Variants in CADPS2 observed in about 807,000 individuals in gnomAD.
The protein encoded by CADPS2 is calcium-dependent secretion activator 2.
CADPS2 carries 93 observed loss-of-function variants against 172.5 expected under a neutral mutation model. That is an observed-to-expected ratio of 0.54 (90% CI 0.46 to 0.64). The LOEUF (loss-of-function observed/expected upper bound fraction) is 0.64, where lower values mean the gene tolerates loss of function less well. CADPS2 is among the 30% of genes least tolerant of loss of function. The pLI, the probability that CADPS2 is intolerant of heterozygous loss-of-function variation, is 0.00. For synonymous variants in CADPS2, 546 were observed against 555.2 expected, an observed-to-expected ratio of 0.98 and a Z score of 0.23; for missense variants, 1,420 against 1,565.9, an observed-to-expected ratio of 0.91 and a Z score of 1.57.
At chr7:122,863,595 G>A (rs1198291412) in intron 1 of CADPS2, among the ~76,000 whole-genome samples, 1 of 152,082 alleles carries the variant, frequency 6.6e-6, no homozygotes, top group Non-Finnish European at 1.5e-5. Context: ...GGGTAGAGAA[G>A]AAAAATAAAG....
intron 1 of CADPS2, among the ~76,000 whole-genome samples, chr7:122,816,410 C>A (rs1801424427): frequency 6.6e-6 from 1 of 152,134 alleles, no homozygotes; most frequent in Non-Finnish European, 1.5e-5. Context: ...CCTGTGGGTA[C>A]ATGTGCACAT....
rs201249579 is a variant in CADPS2, at chr7:122,554,521, A to T, written c.1475+29T>A. 3,473 of 1,552,936 alleles carry T rather than the reference A, an allele frequency of 2.2e-3. 9 individuals carry two copies. Among genetic ancestry groups the T allele is most frequent in the Non-Finnish European group, 2.8e-3 (3,268 of 1,148,894 alleles). On this transcript the variant is annotated intron_variant, in intron 8 of 29. Transcript: ENST00000449022. ...ACACTGAAATGAAATTCAATAATTC[A>T]GGAAAAAAATCCTCAAATTTATACT...
At chr7:122,616,191 A>G (rs1049537852) in intron 5 of CADPS2, among the ~76,000 whole-genome samples, 1 of 152,126 alleles carries the variant, frequency 6.6e-6, no homozygotes, top group African/African-American at 2.4e-5. Context: ...TATAAAATAG[A>G]TTAAAATGCA....
At chr7:122,397,847 A>G (rs1359040997) in intron 20 of CADPS2, among the ~76,000 whole-genome samples, 1 of 152,190 alleles carries the variant, frequency 6.6e-6, no homozygotes, top group Admixed American at 6.5e-5. Context: ...TTCTGACACC[A>G]TACTCAAGTA....
chr7:122,452,805 T>G (rs1352807461), intron 14 of CADPS2, among the ~76,000 whole-genome samples: 1 of 152,218 alleles, frequency 6.6e-6, no homozygotes, highest in Non-Finnish European at 1.5e-5. Context: ...ACAGGAATTA[T>G]TGAAAACAAA....
At chr7:122,565,014 A>G (rs1352612460) in intron 7 of CADPS2, among the ~76,000 whole-genome samples, 1 of 152,094 alleles carries the variant, frequency 6.6e-6, no homozygotes, top group East Asian at 1.9e-4. Context: ...ATGGGAGTGA[A>G]ACAATGGGTA....
intron 1 of CADPS2, among the ~76,000 whole-genome samples, chr7:122,753,545 A>G: frequency 6.6e-6 from 1 of 152,208 alleles, no homozygotes; most frequent in South Asian, 2.1e-4. Flanking sequence ...ACCTTAAATA[A>G]TGGTTTAGTG....
At chr7:122,335,632 G>A (rs1467306348) in intron 28 of CADPS2, among the ~76,000 whole-genome samples, 3 of 152,186 alleles carry the variant, frequency 2.0e-5, no homozygotes, top group Non-Finnish European at 4.4e-5. Flanking sequence ...TGAATAAATA[G>A]AAGGCTTGAA....
At chr7:122,350,724 G>T (rs1386023784) in intron 27 of CADPS2, among the ~76,000 whole-genome samples, 1 of 152,144 alleles carries the variant, frequency 6.6e-6, no homozygotes, top group African/African-American at 2.4e-5. Context: ...AGTGACTTAT[G>T]TCTATATTCC....
At chr7:122,360,893 T>G in intron 26 of CADPS2, 37 bp downstream of exon 26, 1 of 1,606,314 alleles carries the variant, frequency 6.2e-7, no homozygotes, top group South Asian at 1.1e-5. Flanking sequence ...TGACAACAGT[T>G]AAAAGACCAC....
intron 2 of CADPS2, among the ~76,000 whole-genome samples, chr7:122,724,372 T>C (rs1407496482): frequency 6.6e-6 from 1 of 151,918 alleles, no homozygotes; most frequent in Non-Finnish European, 1.5e-5. Flanking sequence ...GCTTAGTGTC[T>C]AGTATATGTT....
intron 8 of CADPS2, among the ~76,000 whole-genome samples, chr7:122,526,489 G>A (rs368376881): frequency 2.0e-5 from 3 of 151,908 alleles, no homozygotes; most frequent in African/African-American, 7.3e-5. Context: ...CATCCCGCCT[G>A]GTCTTCTTTG....
At chr7:122,474,748 C>G (rs2056430310) in intron 12 of CADPS2, among the ~76,000 whole-genome samples, 1 of 152,072 alleles carries the variant, frequency 6.6e-6, no homozygotes, top group South Asian at 2.1e-4. Flanking sequence ...ATTCCATCTC[C>G]ATTCAAAGCT....
chr7:122,742,203 C>T (rs2092517398), intron 1 of CADPS2, among the ~76,000 whole-genome samples: 2 of 151,850 alleles, frequency 1.3e-5, no homozygotes, highest in Non-Finnish European at 2.9e-5. Flanking sequence ...CCAGCGTGGC[C>T]AACGTGGTGA....
At chr7:122,448,728 T>C (rs543049699) in intron 15 of CADPS2, among the ~76,000 whole-genome samples, 1 of 152,182 alleles carries the variant, frequency 6.6e-6, no homozygotes, top group East Asian at 1.9e-4. Flanking sequence ...GCACAGAATT[T>C]CTCTGGCCAC....
chr7:122,851,392 C>T (rs575589502), intron 1 of CADPS2, among the ~76,000 whole-genome samples: 45 of 152,270 alleles, frequency 3.0e-4, no homozygotes, highest in African/African-American at 1.0e-3. Context: ...AAACCATGGC[C>T]TCAGAGTGAA....
At chr7:122,821,339 T>C (rs1803223866) in intron 1 of CADPS2, among the ~76,000 whole-genome samples, 1 of 152,134 alleles carries the variant, frequency 6.6e-6, no homozygotes, top group Admixed American at 6.5e-5. Flanking sequence ...TTCCTTTCCA[T>C]CGTGGAAATC....
chr7:122,399,636 G>A (rs1398263423), intron 20 of CADPS2, among the ~76,000 whole-genome samples: 2 of 133,800 alleles, frequency 1.5e-5, no homozygotes, highest in Admixed American at 8.0e-5. Context: ...TATCATGATC[G>A]ATAACTCTCT....
In CADPS2 at chr7:122,588,196, G is replaced by A. The variant is rs28397617; in HGVS notation, c.1224-6906C>T. On this transcript the variant is annotated intron_variant, in intron 6 of 29. Coordinates refer to ENST00000449022, the MANE Select transcript of CADPS2 (RefSeq NM_017954.11). ...CTCTGATGATAGTTTCTTTTGCTGT[G>A]CAGAAGCTCTTTAGTTTAATTAGAT... Among the ~76,000 whole-genome samples, 1,175 of 152,094 alleles carry A rather than the reference G, an allele frequency of 7.7e-3. 16 individuals are homozygous for A. Among genetic ancestry groups the A allele is most frequent in the African/African-American group, 0.027 (1,135 of 41,484 alleles).
Sources: allele counts gnomAD v4.1 joint callset (sites outside exome capture counted in the v4.1 genomes callset), GRCh38; gene constraint gnomAD v4.1.1; transcripts MANE v1.5; gene names NCBI Gene and HGNC (gene_info 2026-07-23, HGNC 2026-07-21).